SIRT5: variants seen among roughly 807,000 people sequenced by gnomAD.
The protein encoded by SIRT5 is NAD-dependent protein deacylase sirtuin-5, mitochondrial.
Under a neutral mutation model 40.0 loss-of-function variants are expected in SIRT5, and 26 were observed. The ratio of observed to expected loss-of-function variants is 0.65; its 90% CI spans 0.48 to 0.90. The LOEUF (loss-of-function observed/expected upper bound fraction) is 0.90. Among genes scored for constraint, SIRT5 ranks in the 40% least tolerant of loss-of-function variants. The probability of loss-of-function intolerance (pLI) is 0.00; values close to 1 mark genes in which losing one functional copy is unlikely to be tolerated. For synonymous variants in SIRT5, 146 were observed against 149.1 expected (o/e 0.98, Z 0.15); for missense variants, 401 against 402.4 (o/e 1.00, Z 0.03).
chr6:13,608,207 C>T (rs1186027991), intron 9 of SIRT5, among the ~76,000 whole-genome samples: 7 of 152,212 alleles, frequency 4.6e-5, no homozygotes, highest in Non-Finnish European at 8.8e-5. Flanking sequence ...GGAAACTTTG[C>T]ATTTTTTCTT....
chr6:13,587,539 G>A lies in SIRT5; in HGVS notation c.116-792G>A, dbSNP rs12665503. On this transcript the variant is annotated intron_variant, in intron 3 of 9. Coordinates refer to ENST00000606117, the MANE Select transcript of SIRT5 (RefSeq NM_012241.5). Reference sequence around the variant, plus strand: ...CCTTGTGATCCACGTAAAGTGCTTGGCATAGCACTTGGGGTGCAGGGAGCC... The same window carrying A: ...CCTTGTGATCCACGTAAAGTGCTTGACATAGCACTTGGGGTGCAGGGAGCC... 4.1e-4 allele frequency among the ~76,000 whole-genome samples: 62 copies of A among 152,322 alleles called. 1 individual carries two copies. In the East Asian group the frequency reaches 0.011, roughly 26 times the overall value.
At chr6:13,575,428 T>C (rs926183303) in intron 1 of SIRT5, among the ~76,000 whole-genome samples, 2 of 152,132 alleles carry the variant, frequency 1.3e-5, no homozygotes, top group Non-Finnish European at 2.9e-5. Flanking sequence ...AGTGATGTAT[T>C]GCATTTATTT....
At chr6:13,586,762 T>C (rs1760137512) in intron 3 of SIRT5, among the ~76,000 whole-genome samples, 1 of 152,172 alleles carries the variant, frequency 6.6e-6, no homozygotes, top group Non-Finnish European at 1.5e-5. Context: ...TATCCTAGGC[T>C]GGGCATAGTG....
chr6:13,590,088 G>A (rs1760639293), intron 4 of SIRT5, among the ~76,000 whole-genome samples: 1 of 152,162 alleles, frequency 6.6e-6, no homozygotes, highest in Non-Finnish European at 1.5e-5. Flanking sequence ...TGTAGGAAGT[G>A]TCTCCTTGAT....
chr6:13,605,769 AG>A (rs1027899614), intron 9 of SIRT5: 116 of 985,448 alleles, frequency 1.2e-4, no homozygotes, highest in Admixed American at 9.8e-4. Context: ...ACTCAACCCC[AG>A]GGGGCCTTGG....
intron 7 of SIRT5, among the ~76,000 whole-genome samples, chr6:13,597,431 A>AT (rs1466034926): frequency 3.5e-5 from 5 of 143,298 alleles, no homozygotes; most frequent in African/African-American, 8.3e-5. Flanking sequence ...ATGTTCATAG[A>AT]TTAAAAAAAA....
At position 13,613,413 on chromosome 6, in the gene SIRT5, G is replaced by A. The variant is rs1764103100; in HGVS notation, c.*1548G>A. On this transcript the variant is annotated 3_prime_UTR_variant, in exon 10 of 10. Coordinates refer to ENST00000606117, the MANE Select transcript of SIRT5 (RefSeq NM_012241.5). ...TCCAGCAGGTGTCACAGGCCTGACT[G>A]GGAGGCATGGCCATTATCAACAGTG... The A allele has an allele frequency of 1.3e-5, 2 of 152,208 alleles. No homozygotes were observed. The highest frequency in any genetic ancestry group is 4.8e-5 in the African/African-American group (2 of 41,460). 9.4% of individuals were successfully genotyped at this position (152,208 alleles called of 1,614,324 possible).
At chr6:13,606,035 G>A (rs529572560) in intron 9 of SIRT5, among the ~76,000 whole-genome samples, 1 of 152,312 alleles carries the variant, frequency 6.6e-6, no homozygotes, top group African/African-American at 2.4e-5. Flanking sequence ...TATCTACCAA[G>A]GAAAGATTAT....
At chr6:13,601,468 T>C (rs1762382401) in intron 9 of SIRT5, among the ~76,000 whole-genome samples, 1 of 152,056 alleles carries the variant, frequency 6.6e-6, no homozygotes, top group Non-Finnish European at 1.5e-5. Context: ...TTTAGTCTTA[T>C]TCCTGGGTCT....
intron 1 of SIRT5, among the ~76,000 whole-genome samples, chr6:13,578,559 G>A (rs1758918248): frequency 6.8e-6 from 1 of 146,260 alleles, no homozygotes; most frequent in East Asian, 2.1e-4. Context: ...GGAGCTTGCA[G>A]TAAGTGGAGA....
chr6:13,600,911 A>G lies in SIRT5; in HGVS notation c.819A>G (p.Glu273=), dbSNP rs1762288807. 6.2e-7 allele frequency: 1 copy of G among 1,614,118 alleles called. No homozygotes were observed. Among genetic ancestry groups the G allele is most frequent in the Non-Finnish European group, 8.5e-7 (1 of 1,180,012 alleles). Residue 273 remains glutamate (E), a synonymous_variant, in exon 9 of 10, where the codon GAA becomes GAG. Transcript: ENST00000606117. ...CTGCCAGGGGCGTGCCAGTGGCTGA[A>G]TTTAACACGGAGACCACCCCAGCTA... is the stretch of plus-strand genomic sequence containing the variant. The part of the protein sequence containing the change: ...QVAARGVPVA[E]FNTETTPATN...
rs144287910 is a variant in SIRT5 at position 13,587,526 on chromosome 6, C to G, written c.116-805C>G. On this transcript the variant is annotated intron_variant, in intron 3 of 9. Transcript: ENST00000606117. Reference sequence around the variant, plus strand: ...GGAAAAAATCCCACCTTGTGATCCACGTAAAGTGCTTGGCATAGCACTTGG... The same window carrying G: ...GGAAAAAATCCCACCTTGTGATCCAGGTAAAGTGCTTGGCATAGCACTTGG... Among the ~76,000 whole-genome samples the G allele has an allele frequency of 4.2e-3, 644 of 152,294 alleles. 7 individuals carry two copies. The South Asian group carries it at 0.046, about 11-fold the overall frequency.
At chr6:13,578,312 C>T (rs1259990988) in intron 1 of SIRT5, among the ~76,000 whole-genome samples, 2 of 152,098 alleles carry the variant, frequency 1.3e-5, no homozygotes, top group African/African-American at 4.8e-5. Flanking sequence ...TACTGGCCTC[C>T]TAAAATGAGT....
chr6:13,607,219 G>C lies in SIRT5; in HGVS notation c.858-4571G>C, dbSNP rs1211244364. Among the ~76,000 whole-genome samples the C allele has an allele frequency of 6.6e-6, 1 of 151,836 alleles. No individual in the cohort carries two copies. The highest frequency in any genetic ancestry group is 1.5e-5 in the Non-Finnish European group (1 of 67,974). On this transcript the variant is annotated intron_variant, in intron 9 of 9. Transcript: ENST00000606117. The surrounding 1 kb of genome is among the most constrained non-coding windows in gnomAD (Gnocchi z 4.0). ...CAGAATTTCTAGGGGGAAGATGCCT[G>C]TTTATCTGTGTAGTTAGCAAATGAC...
At chr6:13,609,861 G>C (rs1763604376) in intron 9 of SIRT5, among the ~76,000 whole-genome samples, 1 of 152,172 alleles carries the variant, frequency 6.6e-6, no homozygotes, top group Non-Finnish European at 1.5e-5. Flanking sequence ...ATTTTGACCT[G>C]CCAAGCTAAA....
At chr6:13,592,614 G>C (rs573523269) in intron 5 of SIRT5, among the ~76,000 whole-genome samples, 2 of 152,296 alleles carry the variant, frequency 1.3e-5, no homozygotes, top group Admixed American at 1.3e-4. Context: ...TCAGGGAGCT[G>C]CCAGCTCAGT....
At chr6:13,594,462 C>T (rs1182986764) in intron 5 of SIRT5, among the ~76,000 whole-genome samples, 1 of 152,232 alleles carries the variant, frequency 6.6e-6, no homozygotes, top group Non-Finnish European at 1.5e-5. Context: ...CCTCCCTTCT[C>T]TCTCTGCAAT....
At chr6:13,597,876 C>T (rs1483430155) in intron 7 of SIRT5, among the ~76,000 whole-genome samples, 1 of 152,056 alleles carries the variant, frequency 6.6e-6, no homozygotes, top group Non-Finnish European at 1.5e-5. Flanking sequence ...TAAAATAAAA[C>T]AGCACTTCTA....
At chr6:13,604,179 G>A (rs935003610) in intron 9 of SIRT5, among the ~76,000 whole-genome samples, 2 of 152,144 alleles carry the variant, frequency 1.3e-5, no homozygotes. Context: ...TGAAATAGGT[G>A]GATTGTATGT....
Sources: allele counts gnomAD v4.1 joint callset (sites outside exome capture counted in the v4.1 genomes callset), GRCh38; gene constraint gnomAD v4.1.1; non-coding constraint Gnocchi (gnomAD v3.1); transcripts MANE v1.5; gene names NCBI Gene and HGNC (gene_info 2026-07-23, HGNC 2026-07-21).